Variants in TRPM4 observed in about 807,000 individuals in gnomAD.
TRPM4 encodes the protein transient receptor potential cation channel subfamily M member 4, also known as calcium-activated non-selective cation channel 1.
A neutral mutation model predicts 135.6 loss-of-function variants in TRPM4; 124 were observed. The ratio of observed to expected loss-of-function variants is 0.91; its 90% confidence interval spans 0.79 to 1.06. The LOEUF (loss-of-function observed/expected upper bound fraction) is 1.06. Among genes scored for constraint, TRPM4 ranks in the 50% least tolerant of loss-of-function variants. The probability of loss-of-function intolerance (pLI) is 0.00; values close to 1 mark genes in which losing one functional copy is unlikely to be tolerated. For synonymous variants in TRPM4, 745 were observed against 705.6 expected, an observed-to-expected ratio of 1.06 and a Z score of -0.88; for missense variants, 1,658 against 1,671.4, an observed-to-expected ratio of 0.99 and a Z score of 0.14.
chr19:49,167,161 T>A (rs1967230952), intron 3 of TRPM4, among the ~76,000 whole-genome samples: 1 of 136,364 alleles, frequency 7.3e-6, no homozygotes, highest in Non-Finnish European at 1.5e-5. Context: ...TGTCGCCATC[T>A]CTCTGGGTCT....
chr19:49,166,651 C>T (rs1325314975), intron 3 of TRPM4, among the ~76,000 whole-genome samples: 1 of 142,666 alleles, frequency 7.0e-6, no homozygotes, highest in Non-Finnish European at 1.5e-5. Flanking sequence ...CCCGTCTCTC[C>T]GGGTCTCTGT....
rs369373685 is a variant in TRPM4 at position 49,171,275 on chromosome 19, G to A, written c.797-82G>A. 9.5e-6 allele frequency: 14 copies of A among 1,467,748 alleles called. No homozygotes were observed. The highest frequency in any genetic ancestry group is 1.7e-4 in the Middle Eastern group (1 of 5,772). The allele number at this position is 1,467,748 out of a possible 1,614,324, so 90.9% of individuals were successfully genotyped here. On this transcript the variant is annotated intron_variant, in intron 6 of 24. Coordinates refer to ENST00000252826, the MANE Select transcript of TRPM4 (RefSeq NM_017636.4). The surrounding 1 kb of genome is among the most constrained non-coding windows in gnomAD (Gnocchi z 4.7). Reference sequence around the variant, plus strand: ...GATTAGGACAAGGCTGATGTTTGCCGACTCCTGGGAAATGCGGTTTTCTCC... The same window carrying A: ...GATTAGGACAAGGCTGATGTTTGCCAACTCCTGGGAAATGCGGTTTTCTCC...
chr19:49,171,784 G>T lies in TRPM4; in HGVS notation c.1050+15G>T. The T allele has an allele frequency of 6.2e-7, 1 of 1,605,788 alleles. No homozygotes were observed. Among genetic ancestry groups the T allele is most frequent in the Non-Finnish European group, 8.5e-7 (1 of 1,177,932 alleles). ...TGCAGGCCCAGGTATGACACTGGGG[G>T]CCCAACTCTGGATCCTGAGATGGGA... On this transcript the variant is annotated intron_variant, in intron 8 of 24. Coordinates refer to ENST00000252826, the MANE Select transcript of TRPM4 (RefSeq NM_017636.4). The surrounding 1 kb of genome is among the most constrained non-coding windows in gnomAD (Gnocchi z 4.7).
intron 6 of TRPM4, among the ~76,000 whole-genome samples, chr19:49,170,380 G>C (rs1423459067): frequency 6.6e-6 from 1 of 151,986 alleles, no homozygotes; most frequent in Non-Finnish European, 1.5e-5. Flanking sequence ...GTAGAGACGG[G>C]GTTTCACCAT....
chr19:49,189,353 C>T (rs920992258), intron 14 of TRPM4, among the ~76,000 whole-genome samples: 1 of 152,210 alleles, frequency 6.6e-6, no homozygotes, highest in Non-Finnish European at 1.5e-5. Context: ...CCTTGTGACC[C>T]TGTCAGGAAA....
chr19:49,169,621 TG>T (rs777956209), intron 6 of TRPM4, among the ~76,000 whole-genome samples: 2 of 151,144 alleles, frequency 1.3e-5, no homozygotes, highest in African/African-American at 2.4e-5. Context: ...TTCACCTTGT[TG>T]GCTAGGCTGT....
intron 18 of TRPM4, 47 bp downstream of exon 18, chr19:49,200,479 G>A (rs932054054): frequency 1.3e-6 from 2 of 1,595,674 alleles, no homozygotes; most frequent in Non-Finnish European, 8.6e-7. Flanking sequence ...AGGGAAAGGG[G>A]TGGGGCCAGG....
rs376546276 is a variant in TRPM4 at position 49,188,827 on chromosome 19, T to C, written c.1873+57T>C. 3.7e-6 allele frequency: 6 copies of C among 1,612,682 alleles called. No individual in the cohort carries two copies. The African/African-American group carries it at 6.7e-5, about 18-fold the overall frequency. On this transcript the variant is annotated intron_variant, in intron 13 of 24. Coordinates refer to ENST00000252826, the MANE Select transcript of TRPM4 (RefSeq NM_017636.4). ...CGGGGGCTGCCGCCAGAGGGGGATG[T>C]GCAACTCCGCACTCCTCACATATCC...
intron 3 of TRPM4, chr19:49,167,557 G>A (rs146436418): frequency 4.7e-4 from 48 of 101,094 alleles, no homozygotes; most frequent in East Asian, 1.1e-3. Flanking sequence ...CTCTGTCCCC[G>A]TCTCTCTGGG....
chr19:49,177,918 T>C (rs920154858), intron 9 of TRPM4, among the ~76,000 whole-genome samples: 1 of 151,922 alleles, frequency 6.6e-6, no homozygotes, highest in Non-Finnish European at 1.5e-5. Context: ...GAAGGGAGTG[T>C]TGGAGACAAG....
chr19:49,200,178 G>A, intron 17 of TRPM4, 122 bp from the exon 18 acceptor site: 2 of 1,468,518 alleles, frequency 1.4e-6, no homozygotes, highest in African/African-American at 1.4e-5. Flanking sequence ...CGGGTGACTG[G>A]GAGGGTCCTG....
At position 49,175,067 on chromosome 19, in the gene TRPM4, CTTTT is replaced by C. The variant is rs772062913; in HGVS notation, c.1150+2981_1150+2984del. ...CACAGGCATGTGCCATCATGCCTGG[CTTTT>C]TTTTTTTTTTTTTTTTTTTTTGAGA... On this transcript the variant is annotated intron_variant, in intron 9 of 24. Transcript: ENST00000252826. Among the ~76,000 whole-genome samples the C allele has an allele frequency of 2.1e-4, 16 of 77,580 alleles. No homozygotes were observed. In the East Asian group the frequency reaches 4.6e-3, roughly 22 times the overall value. 50.9% of individuals were successfully genotyped at this position (77,580 alleles called of 152,430 possible).
chr19:49,202,729 G>A (rs927743360), intron 20 of TRPM4, among the ~76,000 whole-genome samples: 4 of 151,858 alleles, frequency 2.6e-5, no homozygotes, highest in African/African-American at 9.7e-5. Flanking sequence ...AGTAGAGATA[G>A]GGTTTCACCA....
chr19:49,183,429 C>T (rs1317564458), intron 12 of TRPM4, among the ~76,000 whole-genome samples: 1 of 152,184 alleles, frequency 6.6e-6, no homozygotes, highest in Admixed American at 6.6e-5. Context: ...CAGAGTCTCG[C>T]TCTGTCGCCC....
intron 14 of TRPM4, 55 bp downstream of exon 14, chr19:49,189,146 T>C (rs1968315282): frequency 1.2e-6 from 2 of 1,611,132 alleles, no homozygotes; most frequent in East Asian, 2.2e-5. Context: ...CTCTGGGAAG[T>C]ATGGGGATGA....
At position 49,171,337 on chromosome 19, in the gene TRPM4, C is replaced by T; in HGVS notation, c.797-20C>T. 1 of 1,614,140 alleles carries T rather than the reference C, an allele frequency of 6.2e-7. No individual in the cohort carries two copies. Among genetic ancestry groups the T allele is most frequent in the Non-Finnish European group, 8.5e-7 (1 of 1,180,016 alleles). On this transcript the variant is annotated intron_variant, in intron 6 of 24. Coordinates refer to ENST00000252826, the MANE Select transcript of TRPM4 (RefSeq NM_017636.4). This position sits in a 1 kb window ranked among gnomAD's most constrained non-coding sequence, Gnocchi z 4.7. ...AAGGCTGATGGGAGGTAATCAAGCC[C>T]CCTTCTCTTCTTGCCTCAGGGACTG...
intron 2 of TRPM4, among the ~76,000 whole-genome samples, chr19:49,163,310 C>G (rs923663976): frequency 1.3e-5 from 2 of 151,680 alleles, no homozygotes; most frequent in South Asian, 4.2e-4. Context: ...ATTCTCCTGC[C>G]TCAGCCTCCT....
At chr19:49,195,213 C>T (rs1362936426) in intron 16 of TRPM4, among the ~76,000 whole-genome samples, 1 of 152,130 alleles carries the variant, frequency 6.6e-6, no homozygotes, top group Non-Finnish European at 1.5e-5. Context: ...CAAATATTGT[C>T]ATCACTCCAA....
At position 49,210,331 on chromosome 19, in the gene TRPM4, T is replaced by G. The variant is rs751601605; in HGVS notation, c.3254T>G (p.Leu1085Trp). The change falls in exon 21 of 25, where the codon TTG becomes TGG. Residue 1085 changes from leucine (L) to tryptophan (W), a missense_variant. Transcript: ENST00000252826. The surrounding 1 kb of genome is among the most constrained non-coding windows in gnomAD (Gnocchi z 4.1). ...CCGCCCTTTATCGTCATCTCCCACT[T>G]GCGCCTCCTGCTCAGGCAATTGTGC... is the stretch of plus-strand genomic sequence containing the variant. The part of the protein sequence containing the change: ...LAPPFIVISH[L>W]RLLLRQLCRR... 9.9e-6 allele frequency: 16 copies of G among 1,614,198 alleles called. 1 individual carries two copies. The South Asian group carries it at 1.4e-4, about 14-fold the overall frequency.
Sources: gnomAD v4.1 joint callset for allele counts (sites outside exome capture counted in the v4.1 genomes callset) on GRCh38, gnomAD v4.1.1 for gene constraint, Gnocchi (gnomAD v3.1) non-coding constraint, MANE v1.5 for transcripts, NCBI Gene and HGNC (gene_info 2026-07-23, HGNC 2026-07-21) for gene names.